Variants in OTUB1 observed in about 807,000 individuals in gnomAD.
The protein encoded by OTUB1 is ubiquitin thioesterase OTUB1.
In OTUB1, 10 loss-of-function variants were observed where a neutral mutation model predicts 35.8. The ratio of observed to expected loss-of-function variants is 0.28; its 90% CI spans 0.17 to 0.47. The LOEUF is 0.47. Ranked by LOEUF, OTUB1 falls within the 20% of genes least tolerant of loss-of-function variation. OTUB1 has a pLI of 0.99. For missense variants in OTUB1, 264 were observed against 351.6 expected (o/e 0.75, Z 1.99); for synonymous variants, 158 against 143.8 (o/e 1.10, Z -0.71).
intron 1 of OTUB1, 108 bp downstream of exon 1, chr11:63,986,622 G>T (rs1942622537): frequency 1.1e-6 from 1 of 917,580 alleles, no homozygotes; most frequent in East Asian, 2.8e-5. Flanking sequence ...GGGTCGAGGT[G>T]CGCGAGGGGT....
chr11:63,993,637 C>G (rs1316600215), intron 3 of OTUB1, among the ~76,000 whole-genome samples: 2 of 148,736 alleles, frequency 1.3e-5, no homozygotes, highest in Admixed American at 1.4e-4. Context: ...GCACTCCAGC[C>G]TGGACGACAG....
Position 63,997,168 on chromosome 11 carries a change from G to C in OTUB1, c.542G>C (p.Gly181Ala). ...GTCTACCTGCGGCTGCTCACCTCGG[G>C]CTACCTGCAGCGCGAGAGCAAGTTC... is the stretch of plus-strand genomic sequence containing the variant. ...LVVYLRLLTSGYLQRESKFFE... is the reference protein window; with the variant it reads ...LVVYLRLLTSAYLQRESKFFE... Residue 181 changes from glycine to alanine, a missense_variant, in exon 6 of 7, where the codon GGC becomes GCC. Around this residue, in one of 2 missense-constraint regions of OTUB1, gnomAD observed 214 missense variants for 317.1 expected, o/e 0.67. Transcript: ENST00000538426. 6.2e-7 allele frequency: 1 copy of C among 1,614,218 alleles called. No individual in the cohort carries two copies. Among genetic ancestry groups the C allele is most frequent in the Non-Finnish European group, 8.5e-7 (1 of 1,180,038 alleles).
chr11:63,996,078 G>C (rs927380315), intron 3 of OTUB1, among the ~76,000 whole-genome samples: 1 of 152,144 alleles, frequency 6.6e-6, no homozygotes, highest in Non-Finnish European at 1.5e-5. Context: ...AGAGGTGGGG[G>C]AACTCTTCTC....
chr11:63,997,460 A>C lies in OTUB1; in HGVS notation c.730A>C (p.Thr244Pro). The C allele has an allele frequency of 6.2e-7, 1 of 1,614,114 alleles. No individual in the cohort carries two copies. The highest frequency in any genetic ancestry group is 8.5e-7 in the Non-Finnish European group (1 of 1,180,010). ...CATGGACCGCGGCGAGGGCGGCACC[A>C]CCAATCCGCACATCTTCCCTGAGGG... The part of the protein sequence containing the change: ...EYMDRGEGGT[T>P]NPHIFPEGSE... Residue 244 changes from threonine (T) to proline (P), a missense_variant, in exon 7 of 7, where the codon ACC becomes CCC. Thr to Pro is a conservative substitution (Grantham distance 38). This residue lies in a region of OTUB1 where 214 missense variants were observed against 317.1 expected (regional missense o/e 0.67). Transcript: ENST00000538426.
At chr11:63,996,379 T>G (rs1223097793) in intron 3 of OTUB1, 151 bp from the exon 4 acceptor site, 14 of 771,644 alleles carry the variant, frequency 1.8e-5, no homozygotes, top group Non-Finnish European at 3.0e-5. Flanking sequence ...ATTGCCACAT[T>G]CAGCAGCCTG....
At chr11:63,995,500 A>AT (rs1416480781) in intron 3 of OTUB1, among the ~76,000 whole-genome samples, 2 of 151,452 alleles carry the variant, frequency 1.3e-5, no homozygotes, top group Admixed American at 6.6e-5. Context: ...CCAGCCACTT[A>AT]TTTTTTTTAG....
chr11:63,986,958 C>T (rs1373857781), intron 1 of OTUB1: 1 of 165,700 alleles, frequency 6.0e-6, no homozygotes, highest in Non-Finnish European at 1.3e-5. Context: ...AAGGTCCGGG[C>T]GGGCCATTCG....
At chr11:63,996,387 C>G in intron 3 of OTUB1, 143 bp from the exon 4 acceptor site, 1 of 813,642 alleles carries the variant, frequency 1.2e-6, no homozygotes, top group Non-Finnish European at 2.0e-6. Flanking sequence ...ATTCAGCAGC[C>G]TGTTTCAGGG....
At chr11:63,988,527 C>T (rs575035360) in intron 2 of OTUB1, 127 bp from the exon 3 acceptor site, 2 of 1,254,160 alleles carry the variant, frequency 1.6e-6, no homozygotes, top group Admixed American at 3.5e-5. Context: ...ATGCTAGGTA[C>T]TGGTGCTTTT....
intron 1 of OTUB1, among the ~76,000 whole-genome samples, chr11:63,987,280 C>A (rs1303262051): frequency 1.3e-5 from 2 of 152,214 alleles, no homozygotes; most frequent in African/African-American, 4.8e-5. Context: ...AAGGGTTGAC[C>A]TTTAAAGTCA....
In OTUB1 at chr11:63,992,600, G is replaced by C. The variant is rs182193575; in HGVS notation, c.219+3848G>C. Among the ~76,000 whole-genome samples, 251 of 152,268 alleles carry C rather than the reference G, an allele frequency of 1.6e-3. 2 individuals carry two copies. The South Asian group carries it at 0.018, about 11-fold the overall frequency. On this transcript the variant is annotated intron_variant, in intron 3 of 6. Transcript: ENST00000538426. ...CTGTCACCCAGGCTGGAGTGCACTGGAGTGCAATGGCACCATCTCAGCTCA... is the reference window on the plus strand; with the variant it reads ...CTGTCACCCAGGCTGGAGTGCACTGCAGTGCAATGGCACCATCTCAGCTCA...
intron 1 of OTUB1, 63 bp downstream of exon 1, chr11:63,986,577 C>T (rs1590776843): frequency 6.9e-7 from 1 of 1,443,298 alleles, no homozygotes. Flanking sequence ...CCAGCTGCTC[C>T]CGAGGAGGGA....
In OTUB1 at chr11:63,988,135, A is replaced by G. The variant is rs550109550; in HGVS notation, c.59-202A>G. ...ACTAAAAATACAAAAATTAGCTGGG[A>G]GTGGTGGTGCACGCATGTAGTTCCA... On this transcript the variant is annotated intron_variant, in intron 1 of 6. Transcript: ENST00000538426. Among the ~76,000 whole-genome samples, 12 of 152,186 alleles carry G rather than the reference A, an allele frequency of 7.9e-5. No individual in the cohort carries two copies. In the East Asian group the frequency reaches 2.3e-3, roughly 29 times the overall value.
chr11:63,992,986 G>A (rs1451726883), intron 3 of OTUB1, among the ~76,000 whole-genome samples: 2 of 152,214 alleles, frequency 1.3e-5, no homozygotes, highest in African/African-American at 2.4e-5. Context: ...ACGCCAAGCC[G>A]ACCCTGGCCA....
chr11:63,993,698 G>A (rs1451950656), intron 3 of OTUB1, among the ~76,000 whole-genome samples: 3 of 150,798 alleles, frequency 2.0e-5, no homozygotes, highest in Admixed American at 6.6e-5. Flanking sequence ...GACTGATGTC[G>A]TCAAGAGAGC....
intron 1 of OTUB1, 25 bp downstream of exon 1, chr11:63,986,539 G>C (rs1269131728): frequency 6.5e-7 from 1 of 1,533,710 alleles, no homozygotes; most frequent in South Asian, 1.2e-5. Context: ...AGGGATGTCC[G>C]GCCCGGGCTA....
chr11:63,987,039 G>T (rs11602700), intron 1 of OTUB1: 6,396 of 153,770 alleles, frequency 0.042, 195 homozygotes, highest in Middle Eastern at 0.074. Flanking sequence ...ACTTTTTCTG[G>T]TAGAGCCGCC....
In OTUB1 at chr11:63,997,699, G is replaced by A; in HGVS notation, c.*153G>A. On this transcript the variant is annotated 3_prime_UTR_variant, in exon 7 of 7. Transcript: ENST00000538426. The stretch of plus-strand genomic sequence containing the variant: ...TGTTTTATTAAAGGGGGTGCTGGTG[G>A]TGAGCCGTGTGTGCGTGTCCCTGCT... The A allele has an allele frequency of 1.4e-6, 1 of 729,322 alleles. No individual in the cohort carries two copies. Among genetic ancestry groups the A allele is most frequent in the Non-Finnish European group, 2.4e-6 (1 of 409,392 alleles). The allele number at this position is 729,322 out of a possible 1,614,324, so 45.2% of individuals were successfully genotyped here.
chr11:63,994,906 G>A (rs1469938018), intron 3 of OTUB1, among the ~76,000 whole-genome samples: 1 of 152,222 alleles, frequency 6.6e-6, no homozygotes, highest in Non-Finnish European at 1.5e-5. Flanking sequence ...AGAAATTGAA[G>A]GGTAGCCAGA....
Sources: gnomAD v4.1 joint callset for allele counts (sites outside exome capture counted in the v4.1 genomes callset) on GRCh38, gnomAD v4.1.1 for gene constraint, gnomAD v4.1.1 regional missense constraint, MANE v1.5 for transcripts, NCBI Gene and HGNC (gene_info 2026-07-23, HGNC 2026-07-21) for gene names.